Variants in ARHGAP9 observed in about 807,000 individuals in gnomAD.
ARHGAP9 encodes the protein rho GTPase-activating protein 9.
A neutral mutation model predicts 87.3 loss-of-function variants in ARHGAP9; 76 were observed. The ratio of observed to expected loss-of-function variants is 0.87; its 90% CI spans 0.72 to 1.05. The LOEUF (loss-of-function observed/expected upper bound fraction) is 1.05, where lower values mean the gene tolerates loss of function less well. Ranked by LOEUF, ARHGAP9 falls within the 50% of genes least tolerant of loss-of-function variation. The pLI is 0.00. For synonymous variants in ARHGAP9, 382 were observed against 394.9 expected, an observed-to-expected ratio of 0.97 and a Z score of 0.39; for missense variants, 941 against 960.5, an observed-to-expected ratio of 0.98 and a Z score of 0.27.
chr12:57,475,515 G>T lies in ARHGAP9; in HGVS notation c.1412C>A (p.Pro471Gln), dbSNP rs1356621068. The T allele has an allele frequency of 1.2e-6, 2 of 1,605,232 alleles. No homozygotes were observed. The highest frequency in any genetic ancestry group is 1.7e-5 in the Admixed American group (1 of 59,008). Residue 471 changes from proline (P) to glutamine (Q), a missense_variant, in exon 11 of 18, where the codon CCG (proline) becomes CAG (glutamine). Coordinates refer to ENST00000393791, the MANE Select transcript of ARHGAP9 (RefSeq NM_032496.4). ...EEEESELVSK[P>Q]LLRLSSRRSS... Reference sequence around the variant, plus strand: ...CCGGCGGCTGCTGAGGCGCAGCAGCGGCTTGGACACCAGCTCCGACTCCTC... The same window carrying T: ...CCGGCGGCTGCTGAGGCGCAGCAGCTGCTTGGACACCAGCTCCGACTCCTC...
In ARHGAP9 at chr12:57,477,521, A is replaced by G; in HGVS notation, c.694T>C (p.Tyr232His). The G allele has an allele frequency of 6.2e-7, 1 of 1,614,072 alleles. No homozygotes were observed. Among genetic ancestry groups the G allele is most frequent in the Non-Finnish European group, 8.5e-7 (1 of 1,179,994 alleles). ...TTGCAGCCAGTCAGTGAATTTATGTAGAAGCAGCGTCCAGAGTTGGGGTCC... is the reference window on the plus strand; with the variant it reads ...TTGCAGCCAGTCAGTGAATTTATGTGGAAGCAGCGTCCAGAGTTGGGGTCC... ...HLDPNSGRCFYINSLTGCKSW... is the reference protein window; with the variant it reads ...HLDPNSGRCFHINSLTGCKSW... Residue 232 changes from tyrosine to histidine, a missense_variant, in exon 4 of 18, where the codon TAC (tyrosine) becomes CAC (histidine). Coordinates refer to ENST00000393791, the MANE Select transcript of ARHGAP9 (RefSeq NM_032496.4).
rs1373143750 is a variant in ARHGAP9 at position 57,476,690 on chromosome 12, G to A, written c.964-39C>T. 3.1e-6 allele frequency: 5 copies of A among 1,612,414 alleles called. No homozygotes were observed. Among genetic ancestry groups the A allele is most frequent in the Non-Finnish European group, 4.2e-6 (5 of 1,178,752 alleles). ...GGAATGGGATCTGTAAGTCACCCTCGCCCTCCATAGTGGCCACGGCTTTCC... is the reference window on the plus strand; with the variant it reads ...GGAATGGGATCTGTAAGTCACCCTCACCCTCCATAGTGGCCACGGCTTTCC... On this transcript the variant is annotated intron_variant, in intron 6 of 17. Coordinates refer to ENST00000393791, the MANE Select transcript of ARHGAP9 (RefSeq NM_032496.4).
upstream of ARHGAP9, chr12:57,480,962 G>GT (rs1265306621): frequency 2.4e-6 from 2 of 839,188 alleles, no homozygotes; most frequent in African/African-American, 3.4e-5. Context: ...GATCTTCCTA[G>GT]TTTACTTCAC....
In ARHGAP9 at chr12:57,475,393, C is replaced by G. The variant is rs1159162178; in HGVS notation, c.1450G>C (p.Gly484Arg). 6.9e-6 allele frequency: 11 copies of G among 1,593,910 alleles called. No homozygotes were observed. The highest frequency in any genetic ancestry group is 1.8e-4 in the Middle Eastern group (1 of 5,634). ...RLSSRRSSIRGPEGTEQNRVR... is the reference protein window; with the variant it reads ...RLSSRRSSIRRPEGTEQNRVR... ...CGGTTCTGCTCGGTGCCTTCGGGCC[C>G]CCGAACTGCAGGAGGCAGGTAGAGC... is the stretch of plus-strand genomic sequence containing the variant. Residue 484 changes from glycine (G) to arginine (R), a missense_variant, in exon 12 of 18, where the codon GGG becomes CGG. By Grantham distance (125) the Gly-to-Arg change is moderately radical. Coordinates refer to ENST00000393791, the MANE Select transcript of ARHGAP9 (RefSeq NM_032496.4).
Position 57,476,089 on chromosome 12 carries a change from G to T in ARHGAP9, c.1194C>A (p.Ser398Arg). Residue 398 changes from serine to arginine, a missense_variant, in exon 9 of 18, where the codon AGC becomes AGA. Coordinates refer to ENST00000393791, the MANE Select transcript of ARHGAP9 (RefSeq NM_032496.4). The stretch of plus-strand genomic sequence containing the variant: ...CGCTCACGTGCAGGACGTTGCGGCG[G>T]CTGGACAGGTGGCGGCCGTGCGCCA... ...AALAHGRHLS[S>R]RRNVLHIRTI... 1 of 1,537,774 alleles carries T rather than the reference G, an allele frequency of 6.5e-7. No homozygotes were observed. Among genetic ancestry groups the T allele is most frequent in the Non-Finnish European group, 8.7e-7 (1 of 1,143,086 alleles).
intron 3 of ARHGAP9, chr12:57,477,948 A>C: frequency 1.6e-6 from 2 of 1,260,264 alleles, no homozygotes; most frequent in Non-Finnish European, 2.0e-6. Context: ...GGCCACAGGA[A>C]AGGGGAACAG....
chr12:57,476,189 A>G, intron 8 of ARHGAP9, 23 bp from the exon 9 acceptor site: 2 of 1,528,496 alleles, frequency 1.3e-6, no homozygotes, highest in Non-Finnish European at 1.8e-6. Flanking sequence ...GAGGAAACTG[A>G]GGCCACGGTG....
intron 1 of ARHGAP9, 147 bp from the exon 2 acceptor site, chr12:57,479,571 G>A (rs535086068): frequency 7.0e-4 from 1,065 of 1,515,312 alleles, no homozygotes; most frequent in Non-Finnish European, 8.6e-4. Flanking sequence ...ACAGCCTGGT[G>A]AGGATCGGTG....
At position 57,475,921 on chromosome 12, in the gene ARHGAP9, A is replaced by T. The variant is rs142461807; in HGVS notation, c.1223T>A (p.Ile408Asn). ...CTGCAGCAGGAACTCGTGGCCAGGG[A>T]TCGTGCGGATCTGAGGGCCAGGCAA... ...SRRNVLHIRTIPGHEFLLQSD... is the reference protein window; with the variant it reads ...SRRNVLHIRTNPGHEFLLQSD... The change falls in exon 10 of 18, where the codon ATC (isoleucine) becomes AAC (asparagine). Residue 408 changes from isoleucine to asparagine, a missense_variant. Ile to Asn is a moderately radical substitution (Grantham distance 149). Transcript: ENST00000393791. 5 of 1,612,934 alleles carry T rather than the reference A, an allele frequency of 3.1e-6. No homozygotes were observed. The African/African-American group carries it at 6.7e-5, about 22-fold the overall frequency.
At chr12:57,481,732 G>A (rs1203303198), upstream of ARHGAP9, among the ~76,000 whole-genome samples, 1 of 152,094 alleles carries the variant, frequency 6.6e-6, no homozygotes, top group Non-Finnish European at 1.5e-5. Flanking sequence ...CTCAGTAGCA[G>A]GCAACACAAT....
Position 57,479,283 on chromosome 12 carries a change from G to C in ARHGAP9, c.124C>G (p.Gln42Glu). ...AFTYTGADGQQVSLAEGDRFL... is the reference protein window; with the variant it reads ...AFTYTGADGQEVSLAEGDRFL... ...CTATCCCCTTCAGCCAGAGACACCT[G>C]CTGGCCATCTGCCCCAGTATAAGTA... The change falls in exon 2 of 18, where the codon CAG (glutamine) becomes GAG (glutamate). Residue 42 changes from glutamine (Q) to glutamate (E), a missense_variant. Physicochemically the swap from Gln to Glu is conservative, Grantham distance 29 (BLOSUM62 2). Transcript: ENST00000393791. 2 of 1,614,250 alleles carry C rather than the reference G, an allele frequency of 1.2e-6. No homozygotes were observed. Among genetic ancestry groups the C allele is most frequent in the Non-Finnish European group, 8.5e-7 (1 of 1,180,040 alleles).
At chr12:57,480,697 G>T, upstream of ARHGAP9, 1 of 1,369,434 alleles carries the variant, frequency 7.3e-7, no homozygotes, top group Non-Finnish European at 1.0e-6. Context: ...ACTGATGCCA[G>T]CTTCTCCTTG....
Position 57,476,115 on chromosome 12 carries a change from G to A in ARHGAP9, c.1168C>T (p.Leu390=), listed in dbSNP as rs1308408446. 1.3e-6 allele frequency: 2 copies of A among 1,541,126 alleles called. No individual in the cohort carries two copies. Among genetic ancestry groups the A allele is most frequent in the African/African-American group, 2.7e-5 (2 of 72,864 alleles). Residue 390 remains leucine (L), a synonymous_variant, in exon 9 of 18, where the codon CTG becomes TTG. Transcript: ENST00000393791. ...CTGGACAGGTGGCGGCCGTGCGCCAGGGCCGCCCCGCGCAGGTCCACGCTA... is the reference window on the plus strand; with the variant it reads ...CTGGACAGGTGGCGGCCGTGCGCCAAGGCCGCCCCGCGCAGGTCCACGCTA... ...ESSVDLRGAA[L]AHGRHLSSRR...
chr12:57,482,712 A>G (rs1875114663), upstream of ARHGAP9, among the ~76,000 whole-genome samples: 1 of 152,156 alleles, frequency 6.6e-6, no homozygotes, highest in Non-Finnish European at 1.5e-5. Flanking sequence ...CTCAAAATAA[A>G]TAAATAAAAT....
rs138349350 is a variant in ARHGAP9 at position 57,472,810 on chromosome 12, CA to C, written c.2025-123del. On this transcript the variant is annotated intron_variant, in intron 17 of 17. Coordinates refer to ENST00000393791, the MANE Select transcript of ARHGAP9 (RefSeq NM_032496.4). ...ACTCTGGGATTCCTCCACATGGTAA[CA>C]AAAAAACCAAGGAGATACAAGGAGA... 7.2e-5 allele frequency: 73 copies of C among 1,015,410 alleles called. 2 individuals carry two copies. The East Asian group carries it at 7.2e-4, about 10-fold the overall frequency. 62.9% of individuals were successfully genotyped at this position (1,015,410 alleles called of 1,614,324 possible). A position where few individuals can be genotyped will look rare whatever the true frequency, so the allele number is the denominator to read the frequency against.
intron 1 of ARHGAP9, among the ~76,000 whole-genome samples, chr12:57,485,570 A>AT: frequency 6.7e-6 from 1 of 149,838 alleles, no homozygotes; most frequent in South Asian, 2.1e-4. Flanking sequence ...AAAAAAAAAA[A>AT]CAAAAAAACT....
chr12:57,484,059 A>T (rs539192), upstream of ARHGAP9: 31,942 of 253,584 alleles, frequency 0.13, 2,841 homozygotes, highest in East Asian at 0.22. Flanking sequence ...AAAAAAAAAA[A>T]AAAAAAAATA....
At chr12:57,478,427 T>G in intron 3 of ARHGAP9, 113 bp downstream of exon 3, 1 of 1,079,060 alleles carries the variant, frequency 9.3e-7, no homozygotes, top group Non-Finnish European at 1.4e-6. Flanking sequence ...TACCAAGCGT[T>G]ATCTTATTTA....
Position 57,476,899 on chromosome 12 carries a change from G to C in ARHGAP9, c.935C>G (p.Pro312Arg). 1.2e-6 allele frequency: 2 copies of C among 1,614,016 alleles called. No homozygotes were observed. Among genetic ancestry groups the C allele is most frequent in the Non-Finnish European group, 1.7e-6 (2 of 1,179,974 alleles). The change falls in exon 6 of 18, where the codon CCT (proline) becomes CGT (arginine). Residue 312 changes from proline (P) to arginine (R), a missense_variant. Transcript: ENST00000393791. ...LDPPALQAPR[P>R]LPQLLDDPHE... ...GGGGTCGTCCAGGAGCTGCGGCAGA[G>C]GTCGAGGGGCCTGCAAGGCTGGAGG...
Sources: allele counts gnomAD v4.1 joint callset (sites outside exome capture counted in the v4.1 genomes callset), GRCh38; gene constraint gnomAD v4.1.1; transcripts MANE v1.5; gene names NCBI Gene and HGNC (gene_info 2026-07-23, HGNC 2026-07-21).